Variants in NRXN3 observed in about 807,000 individuals in gnomAD.
NRXN3 encodes the protein neurexin III.
Under a neutral mutation model 137.6 loss-of-function variants are expected in NRXN3, and 32 were observed. That is an observed-to-expected ratio of 0.23 (90% CI 0.18 to 0.31). The LOEUF (loss-of-function observed/expected upper bound fraction) is 0.31. NRXN3 is among the 10% of genes least tolerant of loss of function. The pLI, the probability that NRXN3 is intolerant of heterozygous loss-of-function variation, is 1.00. For synonymous variants in NRXN3, 798 were observed against 784.5 expected, an observed-to-expected ratio of 1.02 and a Z score of -0.29; for missense variants, 1,574 against 2,062.5, an observed-to-expected ratio of 0.76 and a Z score of 4.59.
chr14:79,000,531 T>C (rs2099539336), intron 15 of NRXN3, among the ~76,000 whole-genome samples: 1 of 152,204 alleles, frequency 6.6e-6, no homozygotes, highest in African/African-American at 2.4e-5. Context: ...TGGGGTATGA[T>C]TTTATTTCTG....
chr14:79,247,440 A>G (rs1730271407), intron 15 of NRXN3: 1 of 152,170 alleles, frequency 6.6e-6, no homozygotes, highest in Admixed American at 6.6e-5. Flanking sequence ...TCCCCACTTC[A>G]CAAGTCCACT....
chr14:79,751,822 G>C, intron 19 of NRXN3, among the ~76,000 whole-genome samples: 1 of 151,818 alleles, frequency 6.6e-6, no homozygotes, highest in African/African-American at 2.4e-5. Flanking sequence ...TGCATCTATT[G>C]AGATAATCAT....
At chr14:78,560,669 C>A (rs910456588) in intron 4 of NRXN3, among the ~76,000 whole-genome samples, 1 of 152,114 alleles carries the variant, frequency 6.6e-6, no homozygotes, top group African/African-American at 2.4e-5. Context: ...AGTGCAGGCT[C>A]TGGGATGGAG....
chr14:79,188,561 A>G (rs1437104421), intron 15 of NRXN3, among the ~76,000 whole-genome samples: 4 of 152,188 alleles, frequency 2.6e-5, no homozygotes, highest in African/African-American at 4.8e-5. Flanking sequence ...CAACAAGGCA[A>G]TTGAGCCAAG....
At chr14:79,544,978 C>T (rs556993234) in intron 16 of NRXN3, among the ~76,000 whole-genome samples, 5 of 152,296 alleles carry the variant, frequency 3.3e-5, no homozygotes, top group Non-Finnish European at 5.9e-5. Flanking sequence ...TTCATAGTCT[C>T]TTCTACAAGT....
At chr14:78,860,884 G>A (rs886975718) in intron 10 of NRXN3, among the ~76,000 whole-genome samples, 1 of 151,948 alleles carries the variant, frequency 6.6e-6, no homozygotes, top group Non-Finnish European at 1.5e-5. Flanking sequence ...GGCGAAGGAG[G>A]CAGTATATTC....
At chr14:79,749,039 A>G (rs908378714) in intron 19 of NRXN3, among the ~76,000 whole-genome samples, 1 of 152,004 alleles carries the variant, frequency 6.6e-6, no homozygotes, top group African/African-American at 2.4e-5. Context: ...AATTTTTTAT[A>G]GTAAGTCTAT....
At chr14:78,778,796 CTTTCTTTCTTTCTT>C (rs2098757282) in intron 8 of NRXN3, among the ~76,000 whole-genome samples, 2 of 119,868 alleles carry the variant, frequency 1.7e-5, no homozygotes, top group African/African-American at 6.9e-5. Context: ...TTCTTTCTTT[CTTTCTTTCTTTCTT>C]TCTTTCTTTC....
At chr14:79,479,804 A>G (rs543639524) in intron 16 of NRXN3, among the ~76,000 whole-genome samples, 2 of 152,250 alleles carry the variant, frequency 1.3e-5, no homozygotes, top group East Asian at 3.9e-4. Context: ...TGCAAAATGA[A>G]AAGATTGGCC....
chr14:79,367,039 A>G (rs113194339), intron 15 of NRXN3, among the ~76,000 whole-genome samples: 4,035 of 134,620 alleles, frequency 0.03, 177 homozygotes, highest in African/African-American at 0.1. Context: ...GCTGGAGTGC[A>G]GTGGCGCATT....
chr14:79,276,366 G>A (rs1221143713), intron 15 of NRXN3, among the ~76,000 whole-genome samples: 1 of 152,060 alleles, frequency 6.6e-6, no homozygotes, highest in Non-Finnish European at 1.5e-5. Context: ...GATAATTGGG[G>A]GTTGTCTCTT....
chr14:79,095,125 T>G lies in NRXN3; in HGVS notation c.3262+106984T>G, dbSNP rs150281648. On this transcript the variant is annotated intron_variant, in intron 15 of 20. Coordinates refer to ENST00000335750, the MANE Select transcript of NRXN3 (RefSeq NM_001330195.2). ...CATAATTTCTGACTGGCATGCATTATGCTAATGTGGCTGTCCTCTGTTGTA... is the reference window on the plus strand; with the variant it reads ...CATAATTTCTGACTGGCATGCATTAGGCTAATGTGGCTGTCCTCTGTTGTA... Among the ~76,000 whole-genome samples, 9 of 152,262 alleles carry G rather than the reference T, an allele frequency of 5.9e-5. No homozygotes were observed. In the East Asian group the frequency reaches 1.7e-3, roughly 29 times the overall value.
At chr14:79,667,699 A>G (rs1751820413) in intron 17 of NRXN3, among the ~76,000 whole-genome samples, 1 of 152,146 alleles carries the variant, frequency 6.6e-6, no homozygotes, top group Admixed American at 6.5e-5. Flanking sequence ...AGGGAAATAA[A>G]AGAAGAATCA....
intron 15 of NRXN3, among the ~76,000 whole-genome samples, chr14:79,205,882 CAG>C (rs1316122317): frequency 6.6e-6 from 1 of 152,138 alleles, no homozygotes; most frequent in Non-Finnish European, 1.5e-5. Context: ...ACTTCAAACA[CAG>C]TGTTTAAAAG....
At chr14:79,654,363 A>G (rs913282771) in intron 16 of NRXN3, among the ~76,000 whole-genome samples, 150 of 152,300 alleles carry the variant, frequency 9.8e-4, no homozygotes, top group African/African-American at 3.5e-3. Context: ...TTAAACTTAA[A>G]AAAAGTTCCA....
chr14:79,596,047 G>GT lies in NRXN3; in HGVS notation c.3445-67717dup, dbSNP rs199980682. ...TATAAGAGGACAAATCTTGGGATGG[G>GT]TTTTTTTTTTTTTTGGTCTTTTATG... On this transcript the variant is annotated intron_variant, in intron 16 of 20. Coordinates refer to ENST00000335750, the MANE Select transcript of NRXN3 (RefSeq NM_001330195.2). Among the ~76,000 whole-genome samples the GT allele has an allele frequency of 6.7e-3, 928 of 139,196 alleles. 4 individuals carry two copies. The highest frequency in any genetic ancestry group is 0.016 in the African/African-American group (601 of 38,302). The allele number at this position is 139,196 out of a possible 152,430, so 91.3% of individuals were successfully genotyped here. A position where few individuals can be genotyped will look rare whatever the true frequency, so the allele number is the denominator to read the frequency against.
chr14:79,668,624 G>T (rs1462655223), intron 17 of NRXN3, among the ~76,000 whole-genome samples: 2 of 152,084 alleles, frequency 1.3e-5, no homozygotes, highest in African/African-American at 4.8e-5. Context: ...GGAAATCTCT[G>T]CCTGGAGTAG....
At chr14:79,693,501 C>T (rs1449840631) in intron 18 of NRXN3, among the ~76,000 whole-genome samples, 1 of 151,916 alleles carries the variant, frequency 6.6e-6, no homozygotes, top group African/African-American at 2.4e-5. Context: ...ACATTAAAGA[C>T]AATGATTGCC....
intron 20 of NRXN3, among the ~76,000 whole-genome samples, chr14:79,808,462 T>C (rs924387046): frequency 6.6e-6 from 1 of 151,970 alleles, no homozygotes; most frequent in Non-Finnish European, 1.5e-5. Context: ...AATTCTACAT[T>C]ACCACTAAGA....
Sources: gnomAD v4.1 joint callset for allele counts (sites outside exome capture counted in the v4.1 genomes callset) on GRCh38, gnomAD v4.1.1 for gene constraint, MANE v1.5 for transcripts, NCBI Gene and HGNC (gene_info 2026-07-23, HGNC 2026-07-21) for gene names.